Variants in SPDYE3 observed in about 807,000 individuals in gnomAD.
The protein encoded by SPDYE3 is speedy/RINGO cell cycle regulator family member E3.
A neutral mutation model predicts 55.0 loss-of-function variants in SPDYE3; 15 were observed. That is an observed-to-expected ratio of 0.27 (90% CI 0.18 to 0.42). SPDYE3 has a LOEUF of 0.42. SPDYE3 is among the 10% of genes least tolerant of loss of function. The pLI is 1.00. For synonymous variants in SPDYE3, 89 were observed against 229.9 expected (o/e 0.39, Z 5.55); for missense variants, 236 against 576.7 (o/e 0.41, Z 6.05).
chr7:100,312,930 T>TC (rs1805998436), intron 4 of SPDYE3, among the ~76,000 whole-genome samples: 1 of 148,266 alleles, frequency 6.7e-6, no homozygotes, highest in African/African-American at 2.5e-5. Context: ...GAACGATATG[T>TC]CGCAGTGTTC....
intron 7 of SPDYE3, among the ~76,000 whole-genome samples, chr7:100,316,266 G>A (rs549187708): frequency 8.5e-5 from 13 of 152,088 alleles, no homozygotes; most frequent in African/African-American, 2.9e-4. Context: ...CACTGTGTCC[G>A]ACCAGCTCCC....
At chr7:100,308,330 C>CAA (rs1302549830) in intron 1 of SPDYE3, among the ~76,000 whole-genome samples, 7 of 46,698 alleles carry the variant, frequency 1.5e-4, no homozygotes, top group African/African-American at 3.7e-4. Context: ...GACGCTGTCT[C>CAA]AAAAAAAAAA....
chr7:100,318,196 G>T (rs1456639287), intron 8 of SPDYE3, among the ~76,000 whole-genome samples: 1 of 152,040 alleles, frequency 6.6e-6, no homozygotes, highest in Non-Finnish European at 1.5e-5. Context: ...TGCATCACTT[G>T]AATCCACTGT....
intron 7 of SPDYE3, among the ~76,000 whole-genome samples, 164 bp from the exon 8 acceptor site, chr7:100,316,906 G>A (rs1806118181): frequency 6.6e-6 from 1 of 152,026 alleles, no homozygotes; most frequent in African/African-American, 2.4e-5. Context: ...TCCGACCTTC[G>A]AATACCCCTC....
Position 100,319,927 on chromosome 7 carries a change from C to T in SPDYE3, c.1591-4C>T, listed in dbSNP as rs1337677149. On this transcript the variant is annotated splice_polypyrimidine_tract_variant and splice_region_variant and intron_variant, in intron 9 of 10. Transcript: ENST00000332397. ...GTCTTCTCAAAGCGCATTTGTTTTT[C>T]CAGATCCAGGCTTATGACCCAGAGC... The T allele has an allele frequency of 6.2e-7, 1 of 1,612,592 alleles. No homozygotes were observed. Among genetic ancestry groups the T allele is most frequent in the African/African-American group, 1.3e-5 (1 of 74,884 alleles).
chr7:100,316,251 G>A (rs1584999716), intron 7 of SPDYE3, among the ~76,000 whole-genome samples: 1 of 152,146 alleles, frequency 6.6e-6, no homozygotes, highest in South Asian at 2.1e-4. Context: ...GATTACAGAC[G>A]TCAGCACTGT....
chr7:100,309,079 A>G lies in SPDYE3; in HGVS notation c.212A>G (p.Glu71Gly). ...GAGCCAGAGAAGGAGCTCGCCCCTG[A>G]GCCTGAGGAGACCTGGGTGGCGGAG... is the stretch of plus-strand genomic sequence containing the variant. The part of the protein sequence containing the change: ...DDEPEKELAP[E>G]PEETWVAETL... The change falls in exon 2 of 11, where the codon GAG becomes GGG. Residue 71 changes from glutamate to glycine, a missense_variant. Glu to Gly is a moderately conservative substitution (Grantham distance 98, BLOSUM62 -2). Coordinates refer to ENST00000332397, the MANE Select transcript of SPDYE3 (RefSeq NM_001004351.5). 1.8e-6 allele frequency: 1 copy of G among 540,784 alleles called. No homozygotes were observed. The highest frequency in any genetic ancestry group is 2.1e-5 in the South Asian group (1 of 48,042). 33.5% of individuals were successfully genotyped at this position (540,784 alleles called of 1,614,324 possible).
rs1029844828 is a variant in SPDYE3, at chr7:100,321,743, T to C, written c.*898T>C. On this transcript the variant is annotated 3_prime_UTR_variant, in exon 11 of 11. Coordinates refer to ENST00000332397, the MANE Select transcript of SPDYE3 (RefSeq NM_001004351.5). ...TGTCTTAGATATATATACTAACATG[T>C]CTAATATATACTATCTATTTTATTG... The C allele has an allele frequency of 2.0e-5, 3 of 150,296 alleles. No individual in the cohort carries two copies. Among genetic ancestry groups the C allele is most frequent in the African/African-American group, 7.3e-5 (3 of 41,190 alleles). 9.3% of individuals were successfully genotyped at this position (150,296 alleles called of 1,614,324 possible).
Position 100,319,641 on chromosome 7 carries a change from C to A in SPDYE3, c.1423C>A (p.His475Asn). ...KIFYFLYGKTHSHIPLRPKHW... is the reference protein window; with the variant it reads ...KIFYFLYGKTNSHIPLRPKHW... ...CTTCTACTTCCTGTACGGGAAGACC[C>A]ACTCTCACATACCCTTGCGCCCTAA... Residue 475 changes from histidine (H) to asparagine (N), a missense_variant, in exon 9 of 11, where the codon CAC becomes AAC. His to Asn is a moderately conservative substitution (Grantham distance 68). Coordinates refer to ENST00000332397, the MANE Select transcript of SPDYE3 (RefSeq NM_001004351.5). 1 of 1,614,238 alleles carries A rather than the reference C, an allele frequency of 6.2e-7. No homozygotes were observed. Among genetic ancestry groups the A allele is most frequent in the Non-Finnish European group, 8.5e-7 (1 of 1,180,046 alleles).
intron 10 of SPDYE3, chr7:100,320,389 G>A (rs186181471): frequency 0.016 from 17,320 of 1,072,566 alleles, 173 homozygotes; most frequent in South Asian, 0.026. Flanking sequence ...GATTTGGGTC[G>A]AGGGTTCAGT....
intron 10 of SPDYE3, 129 bp downstream of exon 10, chr7:100,320,164 A>G (rs1198691805): frequency 6.6e-7 from 1 of 1,503,882 alleles, no homozygotes; most frequent in African/African-American, 1.4e-5. Flanking sequence ...ACAAAAATAC[A>G]AAAATTAGCC....
At chr7:100,308,204 G>A (rs1314287394) in intron 1 of SPDYE3, among the ~76,000 whole-genome samples, 1 of 151,482 alleles carries the variant, frequency 6.6e-6, no homozygotes, top group Non-Finnish European at 1.5e-5. Context: ...AGTGGTGTGT[G>A]CCTATAATCC....
At chr7:100,316,263 T>C (rs1195298778) in intron 7 of SPDYE3, among the ~76,000 whole-genome samples, 1 of 152,152 alleles carries the variant, frequency 6.6e-6, no homozygotes, top group African/African-American at 2.4e-5. Flanking sequence ...CAGCACTGTG[T>C]CCGACCAGCT....
intron 1 of SPDYE3, among the ~76,000 whole-genome samples, 189 bp from the exon 2 acceptor site, chr7:100,308,785 G>C (rs1254334381): frequency 6.6e-6 from 1 of 150,510 alleles, no homozygotes; most frequent in African/African-American, 2.4e-5. Context: ...TGAGGACAGA[G>C]AGAGGGAAGA....
rs1220314506 is a variant in SPDYE3 at position 100,322,088 on chromosome 7, A to T, written c.*1243A>T. ...TATCTATTACTACATATGCTGCTGAAGGGAGCAGACTTTTTATCTATGATA... is the reference window on the plus strand; with the variant it reads ...TATCTATTACTACATATGCTGCTGATGGGAGCAGACTTTTTATCTATGATA... On this transcript the variant is annotated 3_prime_UTR_variant, in exon 11 of 11. Transcript: ENST00000332397. 6.6e-6 allele frequency: 1 copy of T among 151,958 alleles called. No individual in the cohort carries two copies. The highest frequency in any genetic ancestry group is 1.5e-5 in the Non-Finnish European group (1 of 67,982). The allele number at this position is 151,958 out of a possible 1,614,324, so 9.4% of individuals were successfully genotyped here.
At position 100,309,473 on chromosome 7, in the gene SPDYE3, T is replaced by C. The variant is rs1584995836; in HGVS notation, c.325+281T>C. Among the ~76,000 whole-genome samples, 3 of 136,284 alleles carry C rather than the reference T, an allele frequency of 2.2e-5. 1 individual carries two copies. In the South Asian group the frequency reaches 7.0e-4, roughly 32 times the overall value. 89.4% of individuals were successfully genotyped at this position (136,284 alleles called of 152,430 possible). ...ACGTTGGGAGGCTGAGGCAAGAGGA[T>C]TGCTTGAACTCAGGACTTCGAGGCT... On this transcript the variant is annotated intron_variant, in intron 2 of 10. Transcript: ENST00000332397.
At chr7:100,312,453 T>A (rs1347163588) in intron 4 of SPDYE3, among the ~76,000 whole-genome samples, 1 of 124,254 alleles carries the variant, frequency 8.0e-6, no homozygotes, top group African/African-American at 3.3e-5. Flanking sequence ...GCCAAGATCG[T>A]GCTACTGCAC....
chr7:100,319,783 G>C lies in SPDYE3; in HGVS notation c.1565G>C (p.Trp522Ser). 2 of 1,614,178 alleles carry C rather than the reference G, an allele frequency of 1.2e-6. No individual in the cohort carries two copies. The highest frequency in any genetic ancestry group is 1.7e-6 in the Non-Finnish European group (2 of 1,180,028). Residue 522 changes from tryptophan to serine, a missense_variant, in exon 9 of 11, where the codon TGG (tryptophan) becomes TCG (serine). Coordinates refer to ENST00000332397, the MANE Select transcript of SPDYE3 (RefSeq NM_001004351.5). ...TTCTGTTCCATGCGCTGCAGGGCTTGGGTTTCCCCGGAGGAGTTGGAGGAG... is the reference window on the plus strand; with the variant it reads ...TTCTGTTCCATGCGCTGCAGGGCTTCGGTTTCCCCGGAGGAGTTGGAGGAG... Reference protein sequence around the residue: ...QFFCSMRCRAWVSPEELEEIQ... With the variant: ...QFFCSMRCRASVSPEELEEIQ...
intron 1 of SPDYE3, 60 bp downstream of exon 1, chr7:100,308,051 C>A: frequency 2.0e-6 from 3 of 1,497,556 alleles, no homozygotes; most frequent in Non-Finnish European, 2.7e-6. Flanking sequence ...GGAAGGGGGC[C>A]AGGTGCGGTA....
Sources: allele counts gnomAD v4.1 joint callset (sites outside exome capture counted in the v4.1 genomes callset), GRCh38; gene constraint gnomAD v4.1.1; transcripts MANE v1.5; gene names NCBI Gene and HGNC (gene_info 2026-07-23, HGNC 2026-07-21).